The following ADGRL3 variants were observed in gnomAD, a reference collection of about 807,000 sequenced individuals.
The protein encoded by ADGRL3 is adhesion G protein-coupled receptor L3, also known as calcium-independent alpha-latrotoxin receptor 3.
ADGRL3 carries 62 observed loss-of-function variants against 153.5 expected under a neutral mutation model. The ratio of observed to expected loss-of-function variants is 0.40; its 90% CI spans 0.33 to 0.50. The LOEUF (loss-of-function observed/expected upper bound fraction) is 0.50, where lower values mean the gene tolerates loss of function less well. ADGRL3 is among the 20% of genes least tolerant of loss of function. ADGRL3 has a pLI of 0.47. For missense variants in ADGRL3, 1,641 were observed against 1,859.4 expected (o/e 0.88, Z 2.16); for synonymous variants, 710 against 672.5 (o/e 1.06, Z -0.86).
intron 8 of ADGRL3, among the ~76,000 whole-genome samples, chr4:61,774,569 A>G (rs2097125849): frequency 6.6e-6 from 1 of 152,084 alleles, no homozygotes; most frequent in Non-Finnish European, 1.5e-5. Flanking sequence ...ATACTATACC[A>G]TTTTATATCA....
chr4:61,263,998 G>T (rs1242539266), intron 1 of ADGRL3, among the ~76,000 whole-genome samples: 1 of 151,718 alleles, frequency 6.6e-6, no homozygotes, highest in African/African-American at 2.4e-5. Flanking sequence ...TATCTGTGTG[G>T]TGTCTGCATG....
intron 3 of ADGRL3, among the ~76,000 whole-genome samples, chr4:61,505,645 AATT>A (rs1192025977): frequency 1.3e-5 from 2 of 152,058 alleles, no homozygotes; most frequent in African/African-American, 4.8e-5. Context: ...TCTTTGTTCA[AATT>A]ATAAATATTG....
chr4:61,577,292 G>A (rs2098892754), intron 4 of ADGRL3, among the ~76,000 whole-genome samples: 1 of 151,798 alleles, frequency 6.6e-6, no homozygotes, highest in Non-Finnish European at 1.5e-5. Context: ...GTATAGTGCA[G>A]TGAGGCATTT....
intron 9 of ADGRL3, among the ~76,000 whole-genome samples, chr4:61,834,759 A>G (rs1276399692): frequency 1.3e-5 from 2 of 152,194 alleles, no homozygotes; most frequent in East Asian, 3.9e-4. Context: ...CAAAGGCATT[A>G]GTACTTACAT....
chr4:61,269,570 A>G (rs527835000), intron 1 of ADGRL3, among the ~76,000 whole-genome samples: 6 of 151,700 alleles, frequency 4.0e-5, no homozygotes, highest in Non-Finnish European at 7.4e-5. Context: ...ACATGACATT[A>G]AATAAAGCCA....
At chr4:61,654,692 T>A (rs1273042048) in intron 5 of ADGRL3, among the ~76,000 whole-genome samples, 1 of 151,578 alleles carries the variant, frequency 6.6e-6, no homozygotes, top group East Asian at 2.0e-4. Flanking sequence ...AGGTCAGGAG[T>A]TCAAAACCAG....
intron 26 of ADGRL3, among the ~76,000 whole-genome samples, chr4:62,069,149 A>G (rs1219895724): frequency 2.6e-5 from 4 of 152,136 alleles, no homozygotes; most frequent in Non-Finnish European, 5.9e-5. Flanking sequence ...AAAACCTTGA[A>G]GAAATATGTG....
intron 2 of ADGRL3, chr4:61,385,481 T>C (rs1448281952): frequency 6.6e-6 from 1 of 152,154 alleles, no homozygotes; most frequent in Non-Finnish European, 1.5e-5. Context: ...GGGCCTGGAA[T>C]GTATAACCTC....
intron 3 of ADGRL3, among the ~76,000 whole-genome samples, chr4:61,505,191 C>T (rs141957720): frequency 3.3e-5 from 5 of 152,234 alleles, no homozygotes; most frequent in African/African-American, 1.2e-4. Context: ...TTGCACTTCT[C>T]TGATGATTAG....
chr4:62,028,951 G>C, intron 22 of ADGRL3, 70 bp downstream of exon 22: 3 of 1,363,276 alleles, frequency 2.2e-6, no homozygotes, highest in Non-Finnish European at 3.1e-6. Flanking sequence ...TGTCAGATCA[G>C]TACTGAAAAA....
rs1332085364 is a variant in ADGRL3 at position 61,202,700 on chromosome 4, C to G, written c.-240+935C>G. On this transcript the variant is annotated intron_variant, in intron 1 of 26. Transcript: ENST00000683033. The surrounding 1 kb of genome is among the most constrained non-coding windows in gnomAD (Gnocchi z 5.0). ...CGCGACCCAGCCTCCGGTCCCACGT[C>G]GGAGCTCAGAAGCTTAGGGTGCCAG... Among the ~76,000 whole-genome samples the G allele has an allele frequency of 6.6e-6, 1 of 152,066 alleles. No homozygotes were observed. The highest frequency in any genetic ancestry group is 1.5e-5 in the Non-Finnish European group (1 of 68,026).
At chr4:61,509,008 A>C (rs181569174) in intron 3 of ADGRL3, among the ~76,000 whole-genome samples, 1 of 152,158 alleles carries the variant, frequency 6.6e-6, no homozygotes, top group Non-Finnish European at 1.5e-5. Flanking sequence ...GTGTGGAGGA[A>C]ACCACCCCCA....
At chr4:61,906,730 A>G (rs1439317993) in intron 11 of ADGRL3, among the ~76,000 whole-genome samples, 1 of 147,646 alleles carries the variant, frequency 6.8e-6, no homozygotes, top group Non-Finnish European at 1.5e-5. Flanking sequence ...TTTTTTTTTT[A>G]CTTTTTGAGT....
intron 6 of ADGRL3, among the ~76,000 whole-genome samples, chr4:61,710,786 A>G (rs1370471525): frequency 6.6e-6 from 1 of 152,184 alleles, no homozygotes. Context: ...CTATTTGCTA[A>G]TCCGACAACA....
rs76626845 is a variant in ADGRL3 at position 61,464,024 on chromosome 4, G to A, written c.-173-33097G>A. On this transcript the variant is annotated intron_variant, in intron 2 of 26. Coordinates refer to ENST00000683033, the MANE Select transcript of ADGRL3 (RefSeq NM_001387552.1). ...CAGAGAATATCTCTATTACAACTAC[G>A]CACATCTACTTAACACATGAAAGCA... 5.6e-3 allele frequency among the ~76,000 whole-genome samples: 847 copies of A among 152,202 alleles called. 3 individuals carry two copies. Among genetic ancestry groups the A allele is most frequent in the Non-Finnish European group, 9.3e-3 (635 of 68,012 alleles).
intron 4 of ADGRL3, among the ~76,000 whole-genome samples, chr4:61,527,332 G>T (rs752243656): frequency 1.3e-5 from 2 of 151,954 alleles, no homozygotes; most frequent in African/African-American, 4.8e-5. Flanking sequence ...GTCTGTGAAG[G>T]TATATATTTT....
intron 1 of ADGRL3, among the ~76,000 whole-genome samples, chr4:61,369,973 A>C (rs1426707133): frequency 2.0e-5 from 3 of 151,850 alleles, no homozygotes; most frequent in Admixed American, 2.0e-4. Flanking sequence ...TGTATGTGTC[A>C]AGGAATTTAT....
chr4:61,504,916 A>G (rs2098417574), intron 3 of ADGRL3, among the ~76,000 whole-genome samples: 2 of 152,218 alleles, frequency 1.3e-5, no homozygotes, highest in South Asian at 4.1e-4. Context: ...GTTGCAATAA[A>G]TATGAGAGTG....
chr4:61,821,317 T>C (rs934204776), intron 9 of ADGRL3, among the ~76,000 whole-genome samples: 4 of 150,852 alleles, frequency 2.7e-5, no homozygotes, highest in African/African-American at 9.8e-5. Flanking sequence ...CCTTCCAATA[T>C]AGTGAACTAC....
Sources: gnomAD v4.1 joint callset for allele counts (sites outside exome capture counted in the v4.1 genomes callset) on GRCh38, gnomAD v4.1.1 for gene constraint, Gnocchi (gnomAD v3.1) non-coding constraint, MANE v1.5 for transcripts, NCBI Gene and HGNC (gene_info 2026-07-23, HGNC 2026-07-21) for gene names.